PTPRZ1: variants seen among roughly 807,000 people sequenced by gnomAD.
PTPRZ1 encodes protein tyrosine phosphatase receptor type Z1, also known as receptor-type tyrosine-protein phosphatase zeta.
In PTPRZ1, 82 loss-of-function variants were observed where a neutral mutation model predicts 214.1. That is an observed-to-expected ratio of 0.38 (90% CI 0.32 to 0.46). The LOEUF is 0.46. PTPRZ1 is among the 20% of genes least tolerant of loss of function. The probability of loss-of-function intolerance (pLI) is 1.00; values close to 1 mark genes in which losing one functional copy is unlikely to be tolerated. For missense variants in PTPRZ1, 2,603 were observed against 2,748.7 expected (o/e 0.95, Z 1.19); for synonymous variants, 945 against 987.9 (o/e 0.96, Z 0.81).
intron 21 of PTPRZ1, 73 bp from the exon 22 acceptor site, chr7:122,042,535 C>G: frequency 7.1e-7 from 1 of 1,407,074 alleles, no homozygotes; most frequent in Non-Finnish European, 9.6e-7. Flanking sequence ...AACATGACAA[C>G]CAGTAGTGAT....
intron 1 of PTPRZ1, among the ~76,000 whole-genome samples, chr7:121,891,716 T>TAC (rs1488067573): frequency 1.3e-5 from 2 of 152,058 alleles, no homozygotes; most frequent in Non-Finnish European, 2.9e-5. Context: ...TATTTATCCA[T>TAC]ACTAATTGTG....
Position 122,010,367 on chromosome 7 carries a change from G to T in PTPRZ1, c.1321G>T (p.Ala441Ser), listed in dbSNP as rs114942634. The T allele has an allele frequency of 6.2e-7, 1 of 1,612,076 alleles. No homozygotes were observed. Among genetic ancestry groups the T allele is most frequent in the Non-Finnish European group, 8.5e-7 (1 of 1,179,408 alleles). The part of the protein sequence containing the change: ...EEEGKDIEEG[A>S]IVNPGRDSAT... The stretch of plus-strand genomic sequence containing the variant: ...AGAGGGAAAAGACATTGAAGAAGGC[G>T]CTATTGTGAATCCTGGTAGAGACAG... The change falls in exon 12 of 30, where the codon GCT becomes TCT. Residue 441 changes from alanine (A) to serine (S), a missense_variant. Physicochemically the swap from Ala to Ser is moderately conservative, Grantham distance 99 (BLOSUM62 1). Coordinates refer to ENST00000393386, the MANE Select transcript of PTPRZ1 (RefSeq NM_002851.3).
At chr7:122,016,175 G>A (rs1370675442) in intron 12 of PTPRZ1, among the ~76,000 whole-genome samples, 1 of 151,740 alleles carries the variant, frequency 6.6e-6, no homozygotes, top group African/African-American at 2.4e-5. Context: ...ATACAAAACT[G>A]AGCCTGGAAA....
chr7:121,876,809 A>G (rs1794077366), intron 1 of PTPRZ1, among the ~76,000 whole-genome samples: 1 of 152,166 alleles, frequency 6.6e-6, no homozygotes, highest in South Asian at 2.1e-4. Flanking sequence ...TTCTACTCTC[A>G]TGTCTGCACT....
chr7:121,903,735 C>G (rs139317536), intron 1 of PTPRZ1, among the ~76,000 whole-genome samples: 1 of 152,086 alleles, frequency 6.6e-6, no homozygotes, highest in Non-Finnish European at 1.5e-5. Flanking sequence ...TCACCTTTTA[C>G]TCATCCCTTA....
chr7:121,908,718 A>G (rs1795185966), intron 1 of PTPRZ1: 3 of 480,604 alleles, frequency 6.2e-6, no homozygotes, highest in African/African-American at 6.0e-5. Context: ...TAATCTAAAA[A>G]TGTTTTCAAT....
chr7:121,996,682 G>A (rs1798148821), intron 9 of PTPRZ1, 116 bp downstream of exon 9: 1 of 780,904 alleles, frequency 1.3e-6, no homozygotes. Context: ...TTTATGTGAA[G>A]GTGGGGTAGG....
chr7:122,058,976 C>A, intron 28 of PTPRZ1, 34 bp downstream of exon 28: 2 of 1,523,472 alleles, frequency 1.3e-6, no homozygotes, highest in South Asian at 1.2e-5. Flanking sequence ...TTCACACCTG[C>A]ACATTTTCTG....
chr7:121,913,638 A>T (rs1795338636), intron 1 of PTPRZ1, among the ~76,000 whole-genome samples: 1 of 152,224 alleles, frequency 6.6e-6, no homozygotes, highest in Non-Finnish European at 1.5e-5. Flanking sequence ...TTACAAATTG[A>T]CACAGAGACG....
chr7:121,934,376 C>T (rs892982125), intron 2 of PTPRZ1, among the ~76,000 whole-genome samples: 1 of 146,604 alleles, frequency 6.8e-6, no homozygotes, highest in Admixed American at 7.0e-5. Context: ...TTCTGATCAT[C>T]ATTAACCTAC....
At chr7:121,878,306 G>A (rs1794123820) in intron 1 of PTPRZ1, among the ~76,000 whole-genome samples, 1 of 152,144 alleles carries the variant, frequency 6.6e-6, no homozygotes. Flanking sequence ...ACATGGGACA[G>A]TGCAGACATG....
At position 121,995,893 on chromosome 7, in the gene PTPRZ1, G is replaced by A. The variant is rs10232525; in HGVS notation, c.929-489G>A. Among the ~76,000 whole-genome samples, 1,376 of 152,246 alleles carry A rather than the reference G, an allele frequency of 9.0e-3. 24 individuals carry two copies. Among genetic ancestry groups the A allele is most frequent in the African/African-American group, 0.031 (1,276 of 41,544 alleles). ...AGAGAAATTAAGTCATCATGAGCTT[G>A]CAGATATTCTTTGTTCATTTATTTC... is the stretch of plus-strand genomic sequence containing the variant. On this transcript the variant is annotated intron_variant, in intron 8 of 29. Coordinates refer to ENST00000393386, the MANE Select transcript of PTPRZ1 (RefSeq NM_002851.3).
At chr7:121,968,646 TTA>T (rs984684186) in intron 3 of PTPRZ1, among the ~76,000 whole-genome samples, 52 of 131,520 alleles carry the variant, frequency 4.0e-4, no homozygotes, top group Admixed American at 4.7e-4. Context: ...TTTTTTTTTT[TTA>T]AAAAAAAGCA....
chr7:121,909,650 G>C (rs183192377), intron 1 of PTPRZ1, among the ~76,000 whole-genome samples: 1 of 152,022 alleles, frequency 6.6e-6, no homozygotes, highest in Non-Finnish European at 1.5e-5. Flanking sequence ...TGATAACGTT[G>C]AATACCTCTA....
intron 8 of PTPRZ1, among the ~76,000 whole-genome samples, chr7:121,994,094 C>T (rs1798056364): frequency 1.3e-5 from 2 of 152,106 alleles, no homozygotes; most frequent in African/African-American, 4.8e-5. Flanking sequence ...TGGAGCTCTA[C>T]TTTATATTAA....
intron 2 of PTPRZ1, among the ~76,000 whole-genome samples, chr7:121,935,625 C>T (rs1206510): frequency 0.023 from 3,551 of 152,002 alleles, 92 homozygotes; most frequent in African/African-American, 0.06. Context: ...AGTGCAGTGG[C>T]GCAATCTCGG....
intron 2 of PTPRZ1, among the ~76,000 whole-genome samples, chr7:121,954,788 A>G (rs1368100504): frequency 2.0e-5 from 3 of 152,244 alleles, no homozygotes; most frequent in African/African-American, 7.2e-5. Flanking sequence ...TGCAATCAGC[A>G]GCGTTAAGTT....
At chr7:122,008,027 A>C (rs1278372403) in intron 11 of PTPRZ1, among the ~76,000 whole-genome samples, 1 of 152,140 alleles carries the variant, frequency 6.6e-6, no homozygotes, top group East Asian at 1.9e-4. Flanking sequence ...TAAAGTTTAT[A>C]GAACGCATAT....
intron 1 of PTPRZ1, among the ~76,000 whole-genome samples, chr7:121,874,736 A>G (rs992503341): frequency 6.6e-6 from 1 of 152,218 alleles, no homozygotes; most frequent in Non-Finnish European, 1.5e-5. Flanking sequence ...CAAAGGCTTT[A>G]TGAAAGTGCT....
Sources: gnomAD v4.1 joint callset for allele counts (sites outside exome capture counted in the v4.1 genomes callset) on GRCh38, gnomAD v4.1.1 for gene constraint, MANE v1.5 for transcripts, NCBI Gene and HGNC (gene_info 2026-07-23, HGNC 2026-07-21) for gene names.